Variants in NUP35 observed in about 807,000 individuals in gnomAD.
The protein encoded by NUP35 is nucleoporin 35, also known as nucleoporin NUP35.
A neutral mutation model predicts 41.5 loss-of-function variants in NUP35; 25 were observed. The observed-to-expected ratio is 0.60, with a 90% CI of 0.44 to 0.84. NUP35 has a LOEUF of 0.84. NUP35 is among the 40% of genes least tolerant of loss of function. The pLI is 0.00. For synonymous variants in NUP35, 149 were observed against 130.7 expected (o/e 1.14, Z -0.96); for missense variants, 396 against 396.6 (o/e 1.00, Z 0.01).
chr2:183,156,433 A>C (rs1455074272), intron 5 of NUP35, among the ~76,000 whole-genome samples: 1 of 152,142 alleles, frequency 6.6e-6, no homozygotes, highest in East Asian at 1.9e-4. Flanking sequence ...TTTCCTTCCC[A>C]GGTTCAAGCG....
At chr2:183,134,726 C>T (rs2105558513) in intron 4 of NUP35, among the ~76,000 whole-genome samples, 1 of 152,004 alleles carries the variant, frequency 6.6e-6, no homozygotes, top group East Asian at 1.9e-4. Flanking sequence ...AGTGATTCTC[C>T]TGCCTCAGCC....
At chr2:183,132,347 G>A (rs777657452) in intron 3 of NUP35, among the ~76,000 whole-genome samples, 5 of 151,618 alleles carry the variant, frequency 3.3e-5, no homozygotes, top group Non-Finnish European at 7.4e-5. Flanking sequence ...GAACCCATGA[G>A]TTTGAGATCA....
intron 1 of NUP35, among the ~76,000 whole-genome samples, chr2:183,127,165 A>G (rs1393681290): frequency 6.6e-6 from 1 of 152,194 alleles, no homozygotes; most frequent in Non-Finnish European, 1.5e-5. Flanking sequence ...TCATCTTCAT[A>G]AGGGAAATAA....
At chr2:183,139,397 T>C (rs918140017) in intron 4 of NUP35, among the ~76,000 whole-genome samples, 2 of 152,074 alleles carry the variant, frequency 1.3e-5, no homozygotes, top group African/African-American at 4.8e-5. Flanking sequence ...GTTTGTTGAC[T>C]GAATATATTG....
chr2:183,128,390 T>C lies in NUP35; in HGVS notation c.144T>C (p.Thr48=). The change falls in exon 2 of 9, where the codon ACT becomes ACC. Residue 48 remains threonine, a synonymous_variant. Transcript: ENST00000295119. ...TGGGGGATTTGCCAGCTCCGGTGACTCCACAACCTCGATCAATTAGTGGCC... is the reference window on the plus strand; with the variant it reads ...TGGGGGATTTGCCAGCTCCGGTGACCCCACAACCTCGATCAATTAGTGGCC... ...FLMGDLPAPV[T]PQPRSISGPS... 6.2e-7 allele frequency: 1 copy of C among 1,614,022 alleles called. No individual in the cohort carries two copies. The highest frequency in any genetic ancestry group is 2.2e-5 in the East Asian group (1 of 44,860).
upstream of NUP35, among the ~76,000 whole-genome samples, chr2:183,123,211 C>T (rs559711172): frequency 7.2e-4 from 109 of 152,252 alleles, 1 homozygote; most frequent in Middle Eastern, 3.4e-3. Context: ...CCCTACAATA[C>T]TCATTTTGGA....
At chr2:183,135,901 C>CA (rs1002079875) in intron 4 of NUP35, among the ~76,000 whole-genome samples, 9 of 151,526 alleles carry the variant, frequency 5.9e-5, no homozygotes, top group Non-Finnish European at 1.0e-4. Flanking sequence ...AAAAAGCACG[C>CA]AAAAAAACTA....
At position 183,150,486 on chromosome 2, in the gene NUP35, C is replaced by T. The variant is rs114723077; in HGVS notation, c.398-1022C>T. 9.8e-3 allele frequency among the ~76,000 whole-genome samples: 1,496 copies of T among 152,210 alleles called. 30 individuals carry two copies. Among genetic ancestry groups the T allele is most frequent in the African/African-American group, 0.034 (1,431 of 41,516 alleles). ...TATTATTTTCTCCACAAAATGTTCA[C>T]TTCTTCAAATATTGTTTTGCTTCCC... is the stretch of plus-strand genomic sequence containing the variant. On this transcript the variant is annotated intron_variant, in intron 4 of 8. Coordinates refer to ENST00000295119, the MANE Select transcript of NUP35 (RefSeq NM_138285.5).
intron 3 of NUP35, among the ~76,000 whole-genome samples, chr2:183,132,871 A>G (rs1303529820): frequency 6.6e-6 from 1 of 152,206 alleles, no homozygotes; most frequent in Non-Finnish European, 1.5e-5. Context: ...ATCTCTCCCA[A>G]CATTCTCTCA....
upstream of NUP35, chr2:183,124,269 C>G: frequency 7.3e-7 from 1 of 1,377,054 alleles, no homozygotes; most frequent in Non-Finnish European, 9.5e-7. Flanking sequence ...AAACCCTTTC[C>G]TCGGAAATTC....
intron 3 of NUP35, among the ~76,000 whole-genome samples, chr2:183,133,323 C>CTTT (rs33994337): frequency 5.8e-4 from 82 of 141,904 alleles, no homozygotes; most frequent in Admixed American, 9.5e-4. Flanking sequence ...AGAAGATAGT[C>CTTT]TTTTTTTTTT....
Position 183,153,645 on chromosome 2 carries a change from C to A in NUP35, c.539+1996C>A, listed in dbSNP as rs939184693. Among the ~76,000 whole-genome samples, 6 of 152,140 alleles carry A rather than the reference C, an allele frequency of 3.9e-5. No homozygotes were observed. In the East Asian group the frequency reaches 1.2e-3, roughly 29 times the overall value. ...GTTCCCATGGTCTTGGGCAGCTCCA[C>A]CCCTGTGGCTTTGCAGGGTACAGCC... On this transcript the variant is annotated intron_variant, in intron 5 of 8. Coordinates refer to ENST00000295119, the MANE Select transcript of NUP35 (RefSeq NM_138285.5).
At chr2:183,129,003 G>A (rs529850674) in intron 2 of NUP35, among the ~76,000 whole-genome samples, 1 of 152,036 alleles carries the variant, frequency 6.6e-6, no homozygotes, top group Non-Finnish European at 1.5e-5. Flanking sequence ...TTTCTGTGTC[G>A]GAGATGTCAG....
chr2:183,131,493 TG>T (rs1270734480), intron 3 of NUP35: 1 of 152,262 alleles, frequency 6.6e-6, no homozygotes, highest in Non-Finnish European at 1.5e-5. Context: ...TTTATAGGCT[TG>T]ATATGTCTGG....
intron 4 of NUP35, among the ~76,000 whole-genome samples, chr2:183,146,581 A>G (rs560779188): frequency 6.6e-6 from 1 of 151,556 alleles, no homozygotes; most frequent in African/African-American, 2.4e-5. Flanking sequence ...CCTTATCAAC[A>G]TTCTTACATT....
chr2:183,148,194 T>C (rs1291785422), intron 4 of NUP35, among the ~76,000 whole-genome samples: 6 of 152,216 alleles, frequency 3.9e-5, no homozygotes, highest in Non-Finnish European at 8.8e-5. Context: ...ACATTTTCTT[T>C]ATTCATTCAC....
At chr2:183,127,641 G>C (rs1684542761) in intron 1 of NUP35, among the ~76,000 whole-genome samples, 1 of 152,142 alleles carries the variant, frequency 6.6e-6, no homozygotes, top group African/African-American at 2.4e-5. Context: ...GATATGCTAA[G>C]CTTTGTATGT....
intron 4 of NUP35, among the ~76,000 whole-genome samples, chr2:183,143,579 C>T (rs927896202): frequency 1.3e-5 from 2 of 152,296 alleles, no homozygotes; most frequent in South Asian, 2.1e-4. Flanking sequence ...CTGTCAGACT[C>T]ATTGAGTTTT....
At chr2:183,123,916 G>GT (rs1321070148), upstream of NUP35, 2 of 560,562 alleles carry the variant, frequency 3.6e-6, no homozygotes, top group East Asian at 2.9e-4. Flanking sequence ...ACAAAACGGC[G>GT]TATGAGTTAC....
Sources: allele counts gnomAD v4.1 joint callset (sites outside exome capture counted in the v4.1 genomes callset), GRCh38; gene constraint gnomAD v4.1.1; transcripts MANE v1.5; gene names NCBI Gene and HGNC (gene_info 2026-07-23, HGNC 2026-07-21).